ASCC3: variants seen among roughly 807,000 people sequenced by gnomAD.
ASCC3 encodes activating signal cointegrator 1 complex subunit 3.
ASCC3 carries 158 observed loss-of-function variants against 256.3 expected under a neutral mutation model. That is an observed-to-expected ratio of 0.62 (90% CI 0.54 to 0.70). ASCC3 has a LOEUF of 0.70. ASCC3 is among the 30% of genes least tolerant of loss of function. ASCC3 has a pLI of 0.00. For missense variants in ASCC3, 2,259 were observed against 2,626.0 expected (o/e 0.86, Z 3.05); for synonymous variants, 948 against 883.4 (o/e 1.07, Z -1.30).
At chr6:100,566,589 C>G (rs1243934408) in intron 36 of ASCC3, among the ~76,000 whole-genome samples, 1 of 152,200 alleles carries the variant, frequency 6.6e-6, no homozygotes, top group Admixed American at 6.5e-5. Flanking sequence ...TACTTCAACA[C>G]TGTATCTTCT....
intron 36 of ASCC3, among the ~76,000 whole-genome samples, chr6:100,577,187 C>T (rs1770915795): frequency 6.6e-6 from 1 of 151,928 alleles, no homozygotes; most frequent in South Asian, 2.1e-4. Context: ...AAGCACAATT[C>T]CATTTTCTAT....
chr6:100,580,372 C>A (rs1026329754), intron 36 of ASCC3, among the ~76,000 whole-genome samples: 1 of 151,730 alleles, frequency 6.6e-6, no homozygotes, highest in Non-Finnish European at 1.5e-5. Flanking sequence ...GGACTAGATA[C>A]AATCAAGAGA....
intron 8 of ASCC3, among the ~76,000 whole-genome samples, chr6:100,777,956 A>T (rs1201824839): frequency 2.6e-5 from 4 of 152,186 alleles, no homozygotes; most frequent in Non-Finnish European, 4.4e-5. Context: ...GAGAAGTAGC[A>T]TAAAACTATG....
chr6:100,628,500 C>A (rs1774365694), intron 27 of ASCC3, among the ~76,000 whole-genome samples: 1 of 152,084 alleles, frequency 6.6e-6, no homozygotes, highest in South Asian at 2.1e-4. Context: ...TGGCTTAGCA[C>A]CATCCTCTTG....
chr6:100,628,650 T>C (rs925277725), intron 27 of ASCC3, among the ~76,000 whole-genome samples: 2 of 152,128 alleles, frequency 1.3e-5, no homozygotes, highest in Non-Finnish European at 1.5e-5. Flanking sequence ...TCAGTCATGA[T>C]TGAAAGCTTC....
intron 24 of ASCC3, among the ~76,000 whole-genome samples, chr6:100,641,204 G>A (rs936422178): frequency 2.0e-5 from 3 of 152,050 alleles, no homozygotes; most frequent in Non-Finnish European, 4.4e-5. Context: ...ATTTGTTCAC[G>A]TCACCAAAAT....
chr6:100,573,891 C>G (rs941645786), intron 36 of ASCC3, among the ~76,000 whole-genome samples: 3 of 152,072 alleles, frequency 2.0e-5, no homozygotes, highest in African/African-American at 7.2e-5. Flanking sequence ...GTTGGAGTAC[C>G]CTTTGTAAAT....
chr6:100,825,603 G>T (rs887741516), intron 4 of ASCC3, among the ~76,000 whole-genome samples: 1 of 152,120 alleles, frequency 6.6e-6, no homozygotes, highest in Admixed American at 6.5e-5. Flanking sequence ...TTCTTGAGGA[G>T]TATCTTGTGG....
intron 34 of ASCC3, among the ~76,000 whole-genome samples, chr6:100,594,193 C>G (rs1454167751): frequency 1.3e-5 from 2 of 151,966 alleles, no homozygotes; most frequent in Non-Finnish European, 2.9e-5. Context: ...CTATATATAA[C>G]TATATTATAA....
Position 100,647,211 on chromosome 6 carries a change from T to C in ASCC3, c.3478+15A>G. 1 of 1,577,114 alleles carries C rather than the reference T, an allele frequency of 6.3e-7. No homozygotes were observed. Among genetic ancestry groups the C allele is most frequent in the Non-Finnish European group, 8.7e-7 (1 of 1,146,594 alleles). On this transcript the variant is annotated intron_variant, in intron 21 of 41. Transcript: ENST00000369162. ...CACAAAACAATACATTCAAACATATTTGCTTCCTTCTTACCTATTTCATCT... is the reference window on the plus strand; with the variant it reads ...CACAAAACAATACATTCAAACATATCTGCTTCCTTCTTACCTATTTCATCT...
At chr6:100,773,285 A>G (rs752490811) in intron 8 of ASCC3, among the ~76,000 whole-genome samples, 7 of 152,308 alleles carry the variant, frequency 4.6e-5, no homozygotes, top group Non-Finnish European at 8.8e-5. Context: ...TCATTTTTAT[A>G]CGAGGTTTCC....
intron 15 of ASCC3, 42 bp from the exon 16 acceptor site, chr6:100,662,072 CA>C: frequency 6.5e-7 from 1 of 1,550,006 alleles, no homozygotes; most frequent in Non-Finnish European, 8.9e-7. Flanking sequence ...TAAACACACA[CA>C]AATATAATCC....
At chr6:100,584,429 C>G (rs1279011388) in intron 36 of ASCC3, among the ~76,000 whole-genome samples, 1 of 151,000 alleles carries the variant, frequency 6.6e-6, no homozygotes, top group Non-Finnish European at 1.5e-5. Context: ...TTTTTGTTTT[C>G]CATTTGCTTG....
At chr6:100,639,791 A>G (rs1367092544) in intron 24 of ASCC3, among the ~76,000 whole-genome samples, 1 of 152,150 alleles carries the variant, frequency 6.6e-6, no homozygotes, top group Non-Finnish European at 1.5e-5. Context: ...TTTCTACACC[A>G]GACTGTAGGT....
At chr6:100,822,270 C>T (rs570017071) in intron 4 of ASCC3, among the ~76,000 whole-genome samples, 2 of 152,296 alleles carry the variant, frequency 1.3e-5, no homozygotes, top group Middle Eastern at 3.4e-3. Context: ...GGCGCAGTGG[C>T]TCACGCCTGT....
In ASCC3 at chr6:100,638,735, C is replaced by T. The variant is rs138606289; in HGVS notation, c.3988G>A (p.Val1330Ile). 61 of 1,614,012 alleles carry T rather than the reference C, an allele frequency of 3.8e-5. 1 individual carries two copies. The East Asian group carries it at 1.3e-3, about 35-fold the overall frequency. Residue 1330 changes from valine to isoleucine, a missense_variant, in exon 25 of 42, where the codon GTA becomes ATA. Around this residue, in one of 2 missense-constraint regions of ASCC3, gnomAD observed 1,839 missense variants for 2,206.7 expected, o/e 0.83. Transcript: ENST00000369162. ...AATGTATGAAATATTTGTGTCTGTA[C>T]AGGGTTAAAGTGGCTGAAGTTGTAC... ...ALYNFSHFNPVQTQIFHTLYH... is the reference protein window; with the variant it reads ...ALYNFSHFNPIQTQIFHTLYH...
In ASCC3 at chr6:100,805,784, C is replaced by A; in HGVS notation, c.898G>T (p.Asp300Tyr). The part of the protein sequence containing the change: ...IVDRFLNSSN[D>Y]HRFQALQDNC... ...CCTTGAAGAGCCTGAAACCTATGAT[C>A]ATTTGAAGAATTAAGAAATCTATCC... is the stretch of plus-strand genomic sequence containing the variant. Residue 300 changes from aspartate (D) to tyrosine (Y), a missense_variant, in exon 5 of 42, where the codon GAT becomes TAT. Asp to Tyr is a radical substitution (Grantham distance 160). This residue lies in a region of ASCC3 where 420 missense variants were observed against 419.3 expected (regional missense o/e 1.00). Coordinates refer to ENST00000369162, the MANE Select transcript of ASCC3 (RefSeq NM_006828.4). 1 of 1,611,148 alleles carries A rather than the reference C, an allele frequency of 6.2e-7. No individual in the cohort carries two copies. The highest frequency in any genetic ancestry group is 1.1e-5 in the South Asian group (1 of 91,006).
chr6:100,678,200 G>A (rs1415222696), intron 14 of ASCC3, among the ~76,000 whole-genome samples: 1 of 152,094 alleles, frequency 6.6e-6, no homozygotes, highest in African/African-American at 2.4e-5. Flanking sequence ...ATAGTTATCT[G>A]AATTGAGATG....
rs142932815 is a variant in ASCC3 at position 100,524,133 on chromosome 6, C to A, written c.5776-5991G>T. On this transcript the variant is annotated intron_variant, in intron 37 of 41. Transcript: ENST00000369162. ...GAAGTTAAGGCTTGATTTTGGTTTT[C>A]CAGTTTCATATATGTGCTCATTACA... Among the ~76,000 whole-genome samples, 679 of 152,146 alleles carry A rather than the reference C, an allele frequency of 4.5e-3. 9 individuals are homozygous for A. Among genetic ancestry groups the A allele is most frequent in the African/African-American group, 0.016 (646 of 41,518 alleles).
Sources: gnomAD v4.1 joint callset for allele counts (sites outside exome capture counted in the v4.1 genomes callset) on GRCh38, gnomAD v4.1.1 for gene constraint, gnomAD v4.1.1 regional missense constraint, MANE v1.5 for transcripts, NCBI Gene and HGNC (gene_info 2026-07-23, HGNC 2026-07-21) for gene names.